NEGR1: variants seen among roughly 807,000 people sequenced by gnomAD.
NEGR1 encodes IgLON family member 4.
Under a neutral mutation model 40.9 loss-of-function variants are expected in NEGR1, and 10 were observed. That is an observed-to-expected ratio of 0.24 (90% CI 0.15 to 0.42). The LOEUF (loss-of-function observed/expected upper bound fraction) is 0.42. NEGR1 is among the 10% of genes least tolerant of loss of function. The pLI, the probability that NEGR1 is intolerant of heterozygous loss-of-function variation, is 1.00. For synonymous variants in NEGR1, 185 were observed against 166.8 expected, an observed-to-expected ratio of 1.11 and a Z score of -0.84; for missense variants, 352 against 438.9, an observed-to-expected ratio of 0.80 and a Z score of 1.77.
intron 6 of NEGR1, among the ~76,000 whole-genome samples, chr1:71,575,610 C>T (rs1264344808): frequency 6.6e-6 from 1 of 152,038 alleles, no homozygotes; most frequent in African/African-American, 2.4e-5. Flanking sequence ...GGTGAAACCC[C>T]GTCTCTACTA....
intron 1 of NEGR1, among the ~76,000 whole-genome samples, chr1:72,227,107 GCT>G (rs1654216451): frequency 1.3e-5 from 2 of 152,052 alleles, no homozygotes; most frequent in Non-Finnish European, 2.9e-5. Flanking sequence ...GCTGGGATGT[GCT>G]CTCTTGCATT....
chr1:72,263,559 CT>C (rs1478187528), intron 1 of NEGR1, among the ~76,000 whole-genome samples: 1 of 151,570 alleles, frequency 6.6e-6, no homozygotes, highest in Non-Finnish European at 1.5e-5. Context: ...ATAAAATCTG[CT>C]GTTATAGTTA....
intron 6 of NEGR1, among the ~76,000 whole-genome samples, chr1:71,412,988 C>T (rs1646333088): frequency 6.6e-6 from 1 of 150,966 alleles, no homozygotes; most frequent in African/African-American, 2.4e-5. Flanking sequence ...CTTAGTAAAG[C>T]TAAGACATTC....
rs576982637 is a variant in NEGR1, at chr1:71,917,644, G to A, written c.409+17435C>T. 9.2e-5 allele frequency among the ~76,000 whole-genome samples: 14 copies of A among 151,846 alleles called. No homozygotes were observed. The South Asian group carries it at 2.1e-3, about 23-fold the overall frequency. Reference sequence around the variant, plus strand: ...ATACAAAAAATTAGCCGGGCCTGGTGGCGGGCGCCTGTAGTCGCCAGCTAC... The same window carrying A: ...ATACAAAAAATTAGCCGGGCCTGGTAGCGGGCGCCTGTAGTCGCCAGCTAC... On this transcript the variant is annotated intron_variant, in intron 2 of 6. Coordinates refer to ENST00000357731, the MANE Select transcript of NEGR1 (RefSeq NM_173808.3).
intron 2 of NEGR1, among the ~76,000 whole-genome samples, chr1:71,900,256 T>G (rs573643476): frequency 6.6e-6 from 1 of 152,336 alleles, no homozygotes; most frequent in South Asian, 2.1e-4. Flanking sequence ...TAATAACTTA[T>G]GAACTACAGG....
Position 71,406,214 on chromosome 1 carries a change from G to A in NEGR1, c.*1232C>T, listed in dbSNP as rs771135107. The A allele has an allele frequency of 1.8e-4, 28 of 151,888 alleles. No individual in the cohort carries two copies. The highest frequency in any genetic ancestry group is 9.7e-4 in the East Asian group (5 of 5,170). The allele number at this position is 151,888 out of a possible 1,614,324, so 9.4% of individuals were successfully genotyped here. ...TTTAGAGATTGGTCTGCTACATACC[G>A]ATATAGAATGTTTGTTATAATATAT... On this transcript the variant is annotated 3_prime_UTR_variant, in exon 7 of 7. Transcript: ENST00000357731.
intron 1 of NEGR1, among the ~76,000 whole-genome samples, chr1:72,170,553 G>C (rs1557561002): frequency 6.6e-6 from 1 of 152,100 alleles, no homozygotes; most frequent in Non-Finnish European, 1.5e-5. Context: ...AGAAGCTTTT[G>C]GGGTGATGCT....
intron 1 of NEGR1, among the ~76,000 whole-genome samples, chr1:72,155,883 A>T (rs1425822117): frequency 6.6e-6 from 1 of 152,160 alleles, no homozygotes; most frequent in African/African-American, 2.4e-5. Flanking sequence ...ATGATACAAC[A>T]AACATTAAAT....
intron 1 of NEGR1, among the ~76,000 whole-genome samples, chr1:72,260,557 T>A (rs568425886): frequency 6.6e-6 from 1 of 151,996 alleles, no homozygotes; most frequent in Non-Finnish European, 1.5e-5. Flanking sequence ...GGTAGCAAGA[T>A]TGTGATTTAA....
At chr1:72,023,161 A>G (rs1196209933) in intron 1 of NEGR1, among the ~76,000 whole-genome samples, 4 of 152,110 alleles carry the variant, frequency 2.6e-5, no homozygotes, top group Non-Finnish European at 5.9e-5. Flanking sequence ...TTTTTGTGGC[A>G]GAAGTTATTA....
At chr1:72,052,621 G>T (rs950372026) in intron 1 of NEGR1, among the ~76,000 whole-genome samples, 5 of 151,336 alleles carry the variant, frequency 3.3e-5, no homozygotes, top group African/African-American at 9.7e-5. Context: ...ATTCAAGCAG[G>T]TGTCTTATCA....
At chr1:72,202,331 C>T (rs188641312) in intron 1 of NEGR1, among the ~76,000 whole-genome samples, 5 of 151,882 alleles carry the variant, frequency 3.3e-5, no homozygotes, top group Non-Finnish European at 5.9e-5. Context: ...GTTAATAACC[C>T]AAAAACAGCC....
chr1:72,263,409 G>C (rs756841887), intron 1 of NEGR1, among the ~76,000 whole-genome samples: 1 of 151,476 alleles, frequency 6.6e-6, no homozygotes, highest in African/African-American at 2.4e-5. Flanking sequence ...TTAACATCAT[G>C]TAGATGGATA....
rs1650236252 is a variant in NEGR1, at chr1:71,611,155, G to T, written c.668-9C>A. The stretch of plus-strand genomic sequence containing the variant: ...CTGAATAGTAGGAGCAACTGCAAAA[G>T]AAACAAACAAACAAATACTAGTAGA... On this transcript the variant is annotated splice_polypyrimidine_tract_variant and intron_variant, in intron 4 of 6. Transcript: ENST00000357731. 1.2e-6 allele frequency: 2 copies of T among 1,611,764 alleles called. No homozygotes were observed. The highest frequency in any genetic ancestry group is 2.2e-5 in the South Asian group (2 of 90,992).
intron 1 of NEGR1, among the ~76,000 whole-genome samples, chr1:71,968,840 G>C (rs568029036): frequency 6.6e-6 from 1 of 152,104 alleles, no homozygotes; most frequent in Admixed American, 6.5e-5. Flanking sequence ...GTTTTAGGCA[G>C]TAATGCTTTT....
intron 4 of NEGR1, among the ~76,000 whole-genome samples, chr1:71,630,135 A>G (rs1650924232): frequency 6.6e-6 from 1 of 152,006 alleles, no homozygotes; most frequent in South Asian, 2.1e-4. Context: ...TGTTAAGAAA[A>G]GAAGAATTTA....
chr1:72,216,337 A>G (rs1385312017), intron 1 of NEGR1, among the ~76,000 whole-genome samples: 1 of 145,894 alleles, frequency 6.9e-6, no homozygotes, highest in Non-Finnish European at 1.5e-5. Flanking sequence ...ACAAACCTGC[A>G]GGTTCTGCAC....
At chr1:71,731,224 C>G (rs1301991815) in intron 3 of NEGR1, among the ~76,000 whole-genome samples, 1 of 152,034 alleles carries the variant, frequency 6.6e-6, no homozygotes, top group Admixed American at 6.6e-5. Flanking sequence ...AGCTTCTCCT[C>G]TCATTTTTGA....
At chr1:71,542,285 T>A (rs1647732827) in intron 6 of NEGR1, among the ~76,000 whole-genome samples, 1 of 151,726 alleles carries the variant, frequency 6.6e-6, no homozygotes, top group Non-Finnish European at 1.5e-5. Context: ...AGTTTCCATA[T>A]TCGAATCATA....
Sources: gnomAD v4.1 joint callset for allele counts (sites outside exome capture counted in the v4.1 genomes callset) on GRCh38, gnomAD v4.1.1 for gene constraint, MANE v1.5 for transcripts, NCBI Gene and HGNC (gene_info 2026-07-23, HGNC 2026-07-21) for gene names.